Variants in RSPO3 observed in about 807,000 individuals in gnomAD.
The protein encoded by RSPO3 is R-spondin-3.
Under a neutral mutation model 36.5 loss-of-function variants are expected in RSPO3, and 17 were observed. The observed-to-expected ratio is 0.47, with a 90% CI of 0.32 to 0.70. The LOEUF is 0.70. Ranked by LOEUF, RSPO3 falls within the 30% of genes least tolerant of loss-of-function variation. The pLI is 0.04. For missense variants in RSPO3, 294 were observed against 322.5 expected, an observed-to-expected ratio of 0.91 and a Z score of 0.68; for synonymous variants, 108 against 107.0, an observed-to-expected ratio of 1.01 and a Z score of -0.06.
rs528160814 is a variant in RSPO3 at position 127,194,179 on chromosome 6, G to A, written c.635-1644G>A. ...CAATATTAATAATACCACTCCCTAG[G>A]ATTCTGTAACCAGAGCCCAAGAAAA... On this transcript the variant is annotated intron_variant, in intron 4 of 4. Transcript: ENST00000356698. 2.0e-5 allele frequency among the ~76,000 whole-genome samples: 3 copies of A among 152,254 alleles called. No individual in the cohort carries two copies. In the South Asian group the frequency reaches 6.2e-4, roughly 32 times the overall value.
chr6:127,166,433 C>T (rs1227495408), intron 4 of RSPO3, among the ~76,000 whole-genome samples: 1 of 151,962 alleles, frequency 6.6e-6, no homozygotes, highest in Admixed American at 6.6e-5. Context: ...GGCTTTGGAA[C>T]CATGTGGTTT....
chr6:127,190,291 G>A (rs943918322), intron 4 of RSPO3, among the ~76,000 whole-genome samples: 4 of 152,076 alleles, frequency 2.6e-5, no homozygotes, highest in African/African-American at 7.2e-5. Context: ...AGCCAGGCAC[G>A]GTGGCACGCA....
At chr6:127,193,942 G>T (rs75318673) in intron 4 of RSPO3, among the ~76,000 whole-genome samples, 9,983 of 152,128 alleles carry the variant, frequency 0.066, 672 homozygotes, top group African/African-American at 0.18. Context: ...CTCTCTGTAT[G>T]TCCAAAACAA....
chr6:127,179,658 A>T (rs887366311), intron 4 of RSPO3, among the ~76,000 whole-genome samples: 2 of 152,012 alleles, frequency 1.3e-5, no homozygotes, highest in East Asian at 3.9e-4. Context: ...CAAATTTATT[A>T]TCTTACAATT....
chr6:127,121,006 G>A (rs1316797850), intron 1 of RSPO3, among the ~76,000 whole-genome samples: 2 of 152,208 alleles, frequency 1.3e-5, no homozygotes, highest in East Asian at 3.9e-4. Context: ...GGGTCAGTGG[G>A]CATAGGGAGC....
intron 4 of RSPO3, among the ~76,000 whole-genome samples, chr6:127,189,102 A>G (rs1291897267): frequency 6.6e-6 from 1 of 152,166 alleles, no homozygotes; most frequent in Admixed American, 6.6e-5. Context: ...GCACCAACCT[A>G]ATAAAAGTGT....
intron 4 of RSPO3, among the ~76,000 whole-genome samples, chr6:127,195,137 T>A (rs1775488509): frequency 6.6e-6 from 1 of 152,156 alleles, no homozygotes; most frequent in Non-Finnish European, 1.5e-5. Context: ...GAATACAACA[T>A]GGTACCTTAA....
At chr6:127,174,325 A>G (rs1335802036) in intron 4 of RSPO3, among the ~76,000 whole-genome samples, 1 of 151,888 alleles carries the variant, frequency 6.6e-6, no homozygotes, top group Non-Finnish European at 1.5e-5. Flanking sequence ...ACATAATTAG[A>G]GATTTGCAAA....
intron 4 of RSPO3, among the ~76,000 whole-genome samples, chr6:127,181,536 G>C (rs950202962): frequency 6.4e-4 from 97 of 151,900 alleles, no homozygotes; most frequent in African/African-American, 2.2e-3. Context: ...CTCAGGGAAG[G>C]CTTCCTCAGA....
At chr6:127,145,089 C>A (rs1343927019) in intron 1 of RSPO3, among the ~76,000 whole-genome samples, 2 of 152,090 alleles carry the variant, frequency 1.3e-5, no homozygotes, top group African/African-American at 4.8e-5. Context: ...TTTTAAACGT[C>A]AGTATTCTAT....
chr6:127,168,172 C>T (rs1052872643), intron 4 of RSPO3, among the ~76,000 whole-genome samples: 6 of 152,210 alleles, frequency 3.9e-5, no homozygotes, highest in African/African-American at 4.8e-5. Flanking sequence ...CTTGAGGAAT[C>T]GCCACACTGT....
chr6:127,123,630 G>T (rs1773887221), intron 1 of RSPO3, among the ~76,000 whole-genome samples: 1 of 152,066 alleles, frequency 6.6e-6, no homozygotes, highest in Non-Finnish European at 1.5e-5. Context: ...AAGAACGTTA[G>T]AAATGGTAAT....
chr6:127,192,173 T>G (rs1481511582), intron 4 of RSPO3, among the ~76,000 whole-genome samples: 2 of 152,226 alleles, frequency 1.3e-5, no homozygotes, highest in African/African-American at 4.8e-5. Flanking sequence ...CAGGACCTTG[T>G]ACACACCTCT....
At chr6:127,124,769 T>G (rs1037493503) in intron 1 of RSPO3, among the ~76,000 whole-genome samples, 4 of 152,126 alleles carry the variant, frequency 2.6e-5, no homozygotes, top group Non-Finnish European at 5.9e-5. Context: ...TTTCTGTTTC[T>G]TCAATTCTGC....
chr6:127,162,613 C>A (rs770192919), intron 4 of RSPO3, among the ~76,000 whole-genome samples: 3 of 152,154 alleles, frequency 2.0e-5, no homozygotes, highest in Non-Finnish European at 4.4e-5. Context: ...CCACCATGTG[C>A]TGGGCACTCT....
intron 4 of RSPO3, among the ~76,000 whole-genome samples, chr6:127,190,441 C>CA (rs1157545028): frequency 6.6e-6 from 1 of 151,686 alleles, no homozygotes; most frequent in African/African-American, 2.4e-5. Flanking sequence ...AAACAAAAAA[C>CA]AAAAAAGAAA....
chr6:127,161,500 C>T (rs1229734061), intron 4 of RSPO3, among the ~76,000 whole-genome samples: 1 of 152,128 alleles, frequency 6.6e-6, no homozygotes, highest in Non-Finnish European at 1.5e-5. Flanking sequence ...TTTTTGTAGG[C>T]TCTCTGAGAT....
At chr6:127,129,149 G>T (rs1774000148) in intron 1 of RSPO3, among the ~76,000 whole-genome samples, 1 of 151,952 alleles carries the variant, frequency 6.6e-6, no homozygotes, top group South Asian at 2.1e-4. Context: ...TTGACTACTG[G>T]TGATCACTAA....
chr6:127,183,763 T>A (rs976887062), intron 4 of RSPO3, among the ~76,000 whole-genome samples: 1 of 151,916 alleles, frequency 6.6e-6, no homozygotes, highest in African/African-American at 2.4e-5. Flanking sequence ...GTGCACAAAA[T>A]TATGCAAGTA....
Sources: gnomAD v4.1 joint callset for allele counts (sites outside exome capture counted in the v4.1 genomes callset) on GRCh38, gnomAD v4.1.1 for gene constraint, MANE v1.5 for transcripts, NCBI Gene and HGNC (gene_info 2026-07-23, HGNC 2026-07-21) for gene names.